Variants in NFIB observed in about 807,000 individuals in gnomAD.
NFIB encodes the protein nuclear factor 1 B-type.
NFIB carries 11 observed loss-of-function variants against 61.5 expected under a neutral mutation model. The ratio of observed to expected loss-of-function variants is 0.18; its 90% CI spans 0.11 to 0.30. The LOEUF (loss-of-function observed/expected upper bound fraction) is 0.30, where lower values mean the gene tolerates loss of function less well. Ranked by LOEUF, NFIB falls within the 10% of genes least tolerant of loss-of-function variation. The pLI, the probability that NFIB is intolerant of heterozygous loss-of-function variation, is 1.00. For synonymous variants in NFIB, 260 were observed against 216.5 expected (o/e 1.20, Z -1.76); for missense variants, 471 against 608.9 (o/e 0.77, Z 2.38).
chr9:14,290,824 T>C (rs2059043265), intron 2 of NFIB, among the ~76,000 whole-genome samples: 1 of 152,132 alleles, frequency 6.6e-6, no homozygotes, highest in Non-Finnish European at 1.5e-5. Context: ...CCTAATGTTC[T>C]ATATTCAGTA....
intron 8 of NFIB, among the ~76,000 whole-genome samples, chr9:14,119,800 T>C (rs987300326): frequency 3.9e-5 from 6 of 152,178 alleles, no homozygotes; most frequent in African/African-American, 1.4e-4. Flanking sequence ...AGTAACCTCT[T>C]GGTAGAAGAA....
At chr9:14,204,181 C>A in intron 2 of NFIB, 1 of 499,960 alleles carries the variant, frequency 2.0e-6, no homozygotes, top group Admixed American at 3.4e-5. Context: ...CCTTTTCATA[C>A]CTTTCTATGG....
chr9:14,423,785 C>G, the NFIB span, among the ~76,000 whole-genome samples: 9 of 152,220 alleles, frequency 5.9e-5, no homozygotes, highest in African/African-American at 2.2e-4. Flanking sequence ...TTCCTTGTTC[C>G]TGCCATGCAG....
intron 2 of NFIB, among the ~76,000 whole-genome samples, chr9:14,276,427 A>C (rs2132384501): frequency 6.6e-6 from 1 of 152,328 alleles, no homozygotes; most frequent in Non-Finnish European, 1.5e-5. Context: ...CATAATCTAC[A>C]TAGAATGACC....
chr9:14,337,488 C>T (rs1215853851), intron 1 of NFIB, among the ~76,000 whole-genome samples: 1 of 152,142 alleles, frequency 6.6e-6, no homozygotes, highest in Admixed American at 6.5e-5. Flanking sequence ...GCGGACCTGG[C>T]AATGTTATAT....
chr9:14,509,182 G>C, the NFIB span, among the ~76,000 whole-genome samples: 5 of 152,218 alleles, frequency 3.3e-5, no homozygotes, highest in Non-Finnish European at 7.3e-5. Flanking sequence ...CCCTTGTAGA[G>C]CTCATATCCT....
the NFIB span, among the ~76,000 whole-genome samples, chr9:14,500,430 C>T: frequency 2.6e-5 from 4 of 152,026 alleles, no homozygotes; most frequent in Admixed American, 6.6e-5. Flanking sequence ...TAACGTTAGC[C>T]AACGTTATTA....
Position 14,084,684 on chromosome 9 carries a change from C to T in NFIB, c.*3625G>A, listed in dbSNP as rs1390715797. On this transcript the variant is annotated 3_prime_UTR_variant, in exon 11 of 11. Coordinates refer to ENST00000380953, the MANE Select transcript of NFIB (RefSeq NM_001190737.2). ...ACTCATGCCCTTGGGTGACCTTCGC[C>T]ATCCTGAAGCTCTGCAGTTCTGGGT... The T allele has an allele frequency of 4.3e-6, 1 of 229,934 alleles. No individual in the cohort carries two copies. The highest frequency in any genetic ancestry group is 5.7e-5 in the Admixed American group (1 of 17,648). The allele number at this position is 229,934 out of a possible 1,614,324, so 14.2% of individuals were successfully genotyped here. A position where few individuals can be genotyped will look rare whatever the true frequency, so the allele number is the denominator to read the frequency against.
intron 1 of NFIB, among the ~76,000 whole-genome samples, chr9:14,390,501 C>T (rs1490254530): frequency 1.4e-5 from 2 of 146,706 alleles, no homozygotes; most frequent in African/African-American, 5.5e-5. Context: ...ACTAAAAGAG[C>T]TCTCAACAGA....
At chr9:14,428,109 C>T in the NFIB span, among the ~76,000 whole-genome samples, 1 of 151,472 alleles carries the variant, frequency 6.6e-6, no homozygotes, top group Non-Finnish European at 1.5e-5. Flanking sequence ...CCGTACCTCG[C>T]TAATTTTTAT....
intron 2 of NFIB, among the ~76,000 whole-genome samples, chr9:14,270,341 T>TA (rs2057504593): frequency 6.6e-6 from 1 of 152,064 alleles, no homozygotes; most frequent in Non-Finnish European, 1.5e-5. Flanking sequence ...TTGTGGCACA[T>TA]AGTCAGTTGC....
the NFIB span, among the ~76,000 whole-genome samples, chr9:14,523,065 A>G: frequency 1.3e-5 from 2 of 152,146 alleles, no homozygotes; most frequent in African/African-American, 2.4e-5. Flanking sequence ...GCTGGTATAG[A>G]AGGGTAGTGT....
intron 3 of NFIB, among the ~76,000 whole-genome samples, chr9:14,177,931 G>C (rs2131418666): frequency 6.6e-6 from 1 of 152,218 alleles, no homozygotes; most frequent in Admixed American, 6.5e-5. Flanking sequence ...ACTATTCAAG[G>C]ATTATTTATT....
chr9:14,506,107 G>A, the NFIB span, among the ~76,000 whole-genome samples: 2 of 152,180 alleles, frequency 1.3e-5, no homozygotes, highest in South Asian at 2.1e-4. Flanking sequence ...ATTTTGTGAA[G>A]TTTGTGGTAT....
At chr9:14,228,010 C>A (rs1205243928) in intron 2 of NFIB, among the ~76,000 whole-genome samples, 2 of 151,966 alleles carry the variant, frequency 1.3e-5, no homozygotes, top group African/African-American at 4.8e-5. Flanking sequence ...ATTAATAATT[C>A]ATTTACTCTT....
In NFIB at chr9:14,113,053, G is replaced by C. The variant is rs2037617153; in HGVS notation, c.1413C>G (p.Ala471=). Residue 471 remains alanine, a synonymous_variant, in exon 10 of 11, where the codon GCC becomes GCG. Coordinates refer to ENST00000380953, the MANE Select transcript of NFIB (RefSeq NM_001190737.2). The part of the protein sequence containing the change: ...EAYTASGTSQ[A]NRYVGLSPRD... ...TTGGGCTTAGTCCCACATATCGATT[G>C]GCTTGAGATGTGCCTGAGGCTGTGT... 1.3e-6 allele frequency: 2 copies of C among 1,550,100 alleles called. No individual in the cohort carries two copies. The highest frequency in any genetic ancestry group is 1.7e-6 in the Non-Finnish European group (2 of 1,146,842).
chr9:14,430,700 G>A, the NFIB span, among the ~76,000 whole-genome samples: 5 of 152,082 alleles, frequency 3.3e-5, no homozygotes, highest in South Asian at 2.1e-4. Flanking sequence ...TCATGCCTCC[G>A]CCTCCCAAGT....
chr9:14,384,893 A>G (rs558009130), intron 1 of NFIB, among the ~76,000 whole-genome samples: 62 of 152,054 alleles, frequency 4.1e-4, no homozygotes, highest in Non-Finnish European at 8.4e-4. Context: ...TCTTTTTCCT[A>G]AATCTTACTG....
At position 14,271,064 on chromosome 9, in the gene NFIB, C is replaced by T. The variant is rs533698367; in HGVS notation, c.562+35925G>A. On this transcript the variant is annotated intron_variant, in intron 2 of 10. Transcript: ENST00000380953. ...CGTATGCATGTTTTAAGAGACCAAC[C>T]AGAGGCCATAACCATGGAGGTGGCT... Among the ~76,000 whole-genome samples the T allele has an allele frequency of 2.0e-5, 3 of 152,196 alleles. No individual in the cohort carries two copies. In the East Asian group the frequency reaches 5.8e-4, roughly 30 times the overall value.
Sources: allele counts gnomAD v4.1 joint callset (sites outside exome capture counted in the v4.1 genomes callset), GRCh38; gene constraint gnomAD v4.1.1; transcripts MANE v1.5; gene names NCBI Gene and HGNC (gene_info 2026-07-23, HGNC 2026-07-21).